The following CDH19 variants were observed in gnomAD, a reference collection of about 807,000 sequenced individuals.
The protein encoded by CDH19 is cadherin-19.
CDH19 carries 67 observed loss-of-function variants against 64.2 expected under a neutral mutation model. The observed-to-expected ratio is 1.04, with a 90% CI of 0.86 to 1.28. The LOEUF (loss-of-function observed/expected upper bound fraction) is 1.28, where lower values mean the gene tolerates loss of function less well. CDH19 is among the 50% of genes most tolerant of loss of function. The pLI is 0.00. For missense variants in CDH19, 1,030 were observed against 929.0 expected (o/e 1.11, Z -1.41); for synonymous variants, 346 against 319.3 (o/e 1.08, Z -0.89).
chr18:66,560,312 C>T (rs1987674033), intron 3 of CDH19, among the ~76,000 whole-genome samples: 1 of 152,018 alleles, frequency 6.6e-6, no homozygotes, highest in African/African-American at 2.4e-5. Context: ...GGTGGCAGAG[C>T]TGAACATCAG....
intron 9 of CDH19, among the ~76,000 whole-genome samples, chr18:66,524,354 T>C (rs1986122961): frequency 6.6e-6 from 1 of 151,852 alleles, no homozygotes; most frequent in Admixed American, 6.6e-5. Context: ...ACAAGAAAAA[T>C]AAGTTTAAGA....
At chr18:66,571,619 C>T (rs1437577391) in intron 2 of CDH19, among the ~76,000 whole-genome samples, 1 of 151,560 alleles carries the variant, frequency 6.6e-6, no homozygotes, top group African/African-American at 2.4e-5. Context: ...TATTAACCTG[C>T]TTCATTAAAA....
chr18:66,595,640 T>C (rs1264901688), intron 1 of CDH19, among the ~76,000 whole-genome samples: 1 of 151,400 alleles, frequency 6.6e-6, no homozygotes, highest in Non-Finnish European at 1.5e-5. Context: ...TGAAAGAGAT[T>C]AATAGTGAGT....
intron 3 of CDH19, among the ~76,000 whole-genome samples, chr18:66,566,326 T>A (rs910381868): frequency 6.6e-6 from 1 of 151,254 alleles, no homozygotes; most frequent in Non-Finnish European, 1.5e-5. Context: ...AGTTATGTCC[T>A]TTTACTTTGC....
chr18:66,523,209 C>T (rs1355829626), intron 9 of CDH19, among the ~76,000 whole-genome samples: 4 of 152,238 alleles, frequency 2.6e-5, no homozygotes, highest in Admixed American at 2.6e-4. Flanking sequence ...TGTGAAAGGC[C>T]TGGCTCGGTA....
intron 1 of CDH19, among the ~76,000 whole-genome samples, chr18:66,590,312 T>C (rs999731663): frequency 6.6e-6 from 1 of 151,976 alleles, no homozygotes; most frequent in Non-Finnish European, 1.5e-5. Context: ...TGGCATTCCT[T>C]AATTGACTTG....
intron 9 of CDH19, among the ~76,000 whole-genome samples, chr18:66,522,643 AAT>A (rs1193145413): frequency 1.3e-5 from 2 of 149,496 alleles, no homozygotes; most frequent in African/African-American, 2.5e-5. Flanking sequence ...TTTTAAATAT[AAT>A]ATGTTTTATT....
chr18:66,532,095 TAGCTGAAACTA>T lies in CDH19; in HGVS notation c.1337-2140_1337-2130del, dbSNP rs1198693412. ...GATTCTCCTGCCTCAGCCTCCCTAG[TAGCTGAAACTA>T]CAGGCACATGCCACCAGGACTGGCT... On this transcript the variant is annotated intron_variant, in intron 8 of 11. Coordinates refer to ENST00000262150, the MANE Select transcript of CDH19 (RefSeq NM_021153.4). Among the ~76,000 whole-genome samples the T allele has an allele frequency of 3.3e-5, 5 of 152,022 alleles. No individual in the cohort carries two copies. In the South Asian group the frequency reaches 6.2e-4, roughly 19 times the overall value.
intron 9 of CDH19, among the ~76,000 whole-genome samples, chr18:66,526,992 G>T (rs918100443): frequency 4.0e-5 from 6 of 151,208 alleles, no homozygotes; most frequent in African/African-American, 1.2e-4. Flanking sequence ...CAAAATCAGG[G>T]ATAGTTTCCA....
chr18:66,561,421 C>T (rs573379713), intron 3 of CDH19, among the ~76,000 whole-genome samples: 21 of 152,118 alleles, frequency 1.4e-4, no homozygotes, highest in East Asian at 3.9e-4. Context: ...TAACGTAGCA[C>T]GAGTTGTGTA....
intron 8 of CDH19, 43 bp from the exon 9 acceptor site, chr18:66,530,009 T>A (rs763561678): frequency 9.4e-7 from 1 of 1,062,016 alleles, no homozygotes; most frequent in Non-Finnish European, 1.3e-6. Context: ...CATATTTTAA[T>A]ATGTCTTTAG....
intron 1 of CDH19, among the ~76,000 whole-genome samples, chr18:66,580,093 A>C (rs1226032702): frequency 6.6e-6 from 1 of 152,038 alleles, no homozygotes; most frequent in African/African-American, 2.4e-5. Flanking sequence ...TCAACAACAA[A>C]AATATACAGC....
intron 3 of CDH19, among the ~76,000 whole-genome samples, chr18:66,557,624 A>ATTGG (rs1987565426): frequency 6.6e-6 from 1 of 151,980 alleles, no homozygotes; most frequent in Non-Finnish European, 1.5e-5. Context: ...AAAAGAACCA[A>ATTGG]GGCTATAGAA....
intron 3 of CDH19, among the ~76,000 whole-genome samples, chr18:66,565,196 A>G (rs1381476005): frequency 6.6e-6 from 1 of 151,934 alleles, no homozygotes; most frequent in African/African-American, 2.4e-5. Context: ...GGAAAGCATA[A>G]TGTTTTATCT....
intron 8 of CDH19, among the ~76,000 whole-genome samples, chr18:66,534,425 GA>G (rs1169718046): frequency 6.6e-6 from 1 of 151,856 alleles, no homozygotes; most frequent in Non-Finnish European, 1.5e-5. Context: ...AAAGAGTGAA[GA>G]AAGGAAACAG....
At chr18:66,600,369 G>A (rs1293634589) in intron 1 of CDH19, among the ~76,000 whole-genome samples, 2 of 151,718 alleles carry the variant, frequency 1.3e-5, no homozygotes, top group Admixed American at 6.6e-5. Flanking sequence ...GTTAAGTAAT[G>A]TCTTGCTGAG....
In CDH19 at chr18:66,543,076, A is replaced by C. The variant is rs144230657; in HGVS notation, c.1214+895T>G. On this transcript the variant is annotated intron_variant, in intron 7 of 11. Transcript: ENST00000262150. ...AGTCTCGCTTTGTCACCCAGGCCGGAGTGCAGTGGTGCAATCTTGGCTCAC... is the reference window on the plus strand; with the variant it reads ...AGTCTCGCTTTGTCACCCAGGCCGGCGTGCAGTGGTGCAATCTTGGCTCAC... Among the ~76,000 whole-genome samples the C allele has an allele frequency of 5.3e-4, 81 of 152,264 alleles. No homozygotes were observed. The South Asian group carries it at 5.4e-3, about 10-fold the overall frequency.
intron 9 of CDH19, among the ~76,000 whole-genome samples, chr18:66,526,711 A>G (rs1213081205): frequency 1.3e-5 from 2 of 152,068 alleles, no homozygotes; most frequent in Admixed American, 6.5e-5. Flanking sequence ...GAATTATTTC[A>G]TCATTGTGCA....
chr18:66,603,177 T>C (rs1024143568), intron 1 of CDH19, among the ~76,000 whole-genome samples: 7 of 150,670 alleles, frequency 4.6e-5, no homozygotes, highest in Non-Finnish European at 8.9e-5. Flanking sequence ...TTATATTTAA[T>C]AGATTTATTA....
Sources: gnomAD v4.1 joint callset for allele counts (sites outside exome capture counted in the v4.1 genomes callset) on GRCh38, gnomAD v4.1.1 for gene constraint, MANE v1.5 for transcripts, NCBI Gene and HGNC (gene_info 2026-07-23, HGNC 2026-07-21) for gene names.